Variants in ZBTB7C observed in about 807,000 individuals in gnomAD.
The protein encoded by ZBTB7C is zinc finger and BTB domain-containing protein 7C.
A neutral mutation model predicts 25.7 loss-of-function variants in ZBTB7C; 8 were observed. The observed-to-expected ratio is 0.31, with a 90% CI of 0.18 to 0.56. ZBTB7C has a LOEUF of 0.56. Ranked by LOEUF, ZBTB7C falls within the 20% of genes least tolerant of loss-of-function variation. ZBTB7C has a pLI of 0.91. For missense variants in ZBTB7C, 824 were observed against 855.2 expected, an observed-to-expected ratio of 0.96 and a Z score of 0.46; for synonymous variants, 394 against 369.0, an observed-to-expected ratio of 1.07 and a Z score of -0.78.
chr18:48,031,903 C>T (rs552046214), intron 4 of ZBTB7C, among the ~76,000 whole-genome samples: 1 of 152,086 alleles, frequency 6.6e-6, no homozygotes, highest in Admixed American at 6.5e-5. Flanking sequence ...GGTGCCTGTA[C>T]CCCTGGAGTG....
At chr18:48,331,094 A>G (rs1295589291) in intron 2 of ZBTB7C, among the ~76,000 whole-genome samples, 1 of 152,128 alleles carries the variant, frequency 6.6e-6, no homozygotes, top group East Asian at 1.9e-4. Flanking sequence ...GGGGGCCAGA[A>G]GGCTTTGCTA....
At chr18:48,389,710 C>T (rs907734515) in intron 1 of ZBTB7C, among the ~76,000 whole-genome samples, 3 of 152,058 alleles carry the variant, frequency 2.0e-5, no homozygotes, top group African/African-American at 7.3e-5. Flanking sequence ...GTGAGGCTCT[C>T]CCTGATAAAA....
intron 3 of ZBTB7C, among the ~76,000 whole-genome samples, chr18:48,074,287 T>C (rs2037672834): frequency 6.6e-6 from 1 of 152,206 alleles, no homozygotes; most frequent in Admixed American, 6.5e-5. Context: ...GTGCTGGGAT[T>C]ACAGATGTGA....
chr18:48,039,902 G>A lies in ZBTB7C; in HGVS notation c.1206C>T (p.Thr402=). 1 of 1,611,588 alleles carries A rather than the reference G, an allele frequency of 6.2e-7. No homozygotes were observed. The highest frequency in any genetic ancestry group is 8.5e-7 in the Non-Finnish European group (1 of 1,179,992). ...YMCTICEVRF[T]RQDKLKIHMR... ...CACCCGAGGGCTGCCATGCGCACCT[G>A]GTGAAGCGGACCTCGCAGATGGTGC... The change falls in exon 4 of 5, where the codon ACC becomes ACT. Residue 402 remains threonine (T), a splice_region_variant and synonymous_variant. Transcript: ENST00000590800.
At chr18:48,402,492 A>G (rs932681345) in intron 1 of ZBTB7C, among the ~76,000 whole-genome samples, 2 of 152,220 alleles carry the variant, frequency 1.3e-5, no homozygotes, top group Non-Finnish European at 2.9e-5. Context: ...TTCTAAGCAC[A>G]TTCACAATGT....
intron 1 of ZBTB7C, among the ~76,000 whole-genome samples, chr18:48,358,526 A>G (rs931301920): frequency 4.6e-5 from 7 of 152,186 alleles, no homozygotes; most frequent in Non-Finnish European, 1.0e-4. Flanking sequence ...CTGTGAGTCA[A>G]TCAAACCCTC....
chr18:48,097,901 A>C (rs1353482834), intron 3 of ZBTB7C, among the ~76,000 whole-genome samples: 1 of 151,716 alleles, frequency 6.6e-6, no homozygotes, highest in Non-Finnish European at 1.5e-5. Context: ...TTTACTTACA[A>C]AAGCATCTTC....
At chr18:48,130,681 C>T (rs2039960314) in intron 3 of ZBTB7C, among the ~76,000 whole-genome samples, 1 of 150,648 alleles carries the variant, frequency 6.6e-6, no homozygotes, top group African/African-American at 2.5e-5. Context: ...GAACCAGATC[C>T]ACACAGATCT....
intron 3 of ZBTB7C, among the ~76,000 whole-genome samples, chr18:48,168,578 A>G (rs1390523883): frequency 6.6e-6 from 1 of 152,238 alleles, no homozygotes; most frequent in Non-Finnish European, 1.5e-5. Flanking sequence ...CAATCTCACC[A>G]ATGATTTTTA....
chr18:48,279,164 C>T (rs753716598), intron 2 of ZBTB7C, among the ~76,000 whole-genome samples: 27 of 152,110 alleles, frequency 1.8e-4, no homozygotes, highest in Admixed American at 3.3e-4. Context: ...GGCACCCCCA[C>T]TCCTCAGAAC....
intron 1 of ZBTB7C, among the ~76,000 whole-genome samples, chr18:48,370,942 A>T (rs950038135): frequency 2.6e-5 from 4 of 152,192 alleles, no homozygotes; most frequent in Admixed American, 6.5e-5. Flanking sequence ...TGTAAAAGAA[A>T]TCCAGAACCC....
At chr18:48,106,958 G>A (rs542472169) in intron 3 of ZBTB7C, among the ~76,000 whole-genome samples, 1 of 152,186 alleles carries the variant, frequency 6.6e-6, no homozygotes, top group South Asian at 2.1e-4. Context: ...GCCCAGAATT[G>A]TCTGTTTGCA....
intron 3 of ZBTB7C, among the ~76,000 whole-genome samples, chr18:48,185,609 G>T (rs977058761): frequency 6.6e-6 from 1 of 152,074 alleles, no homozygotes; most frequent in African/African-American, 2.4e-5. Flanking sequence ...ACTGTTTGTG[G>T]CCCCAAGTAA....
chr18:48,043,311 G>A (rs1208521240), intron 3 of ZBTB7C, among the ~76,000 whole-genome samples: 1 of 152,198 alleles, frequency 6.6e-6, no homozygotes, highest in East Asian at 1.9e-4. Flanking sequence ...CTTTGTGCAC[G>A]ATAGTGAGTA....
Position 48,259,900 on chromosome 18 carries a change from A to G in ZBTB7C, c.-78-73905T>C, listed in dbSNP as rs578092020. Among the ~76,000 whole-genome samples the G allele has an allele frequency of 3.2e-4, 48 of 152,354 alleles. No individual in the cohort carries two copies. In the South Asian group the frequency reaches 5.0e-3, roughly 16 times the overall value. On this transcript the variant is annotated intron_variant, in intron 2 of 4. Coordinates refer to ENST00000590800, the MANE Select transcript of ZBTB7C (RefSeq NM_001318841.2). The stretch of plus-strand genomic sequence containing the variant: ...AATACAGACCAACTAGAACTCTCCT[A>G]TATCACTGATAGGAATGGAAAATGG...
intron 2 of ZBTB7C, among the ~76,000 whole-genome samples, chr18:48,217,536 C>G (rs1002245951): frequency 6.6e-5 from 10 of 152,160 alleles, no homozygotes; most frequent in African/African-American, 2.4e-4. Context: ...CCCTAGCCAG[C>G]CACCCTGAAG....
At chr18:48,159,540 C>T (rs1426638228) in intron 3 of ZBTB7C, among the ~76,000 whole-genome samples, 1 of 152,198 alleles carries the variant, frequency 6.6e-6, no homozygotes, top group Non-Finnish European at 1.5e-5. Flanking sequence ...TACACTAATT[C>T]ATTCATCACC....
intron 2 of ZBTB7C, among the ~76,000 whole-genome samples, chr18:48,320,868 G>A (rs1008758125): frequency 9.2e-5 from 14 of 152,158 alleles, no homozygotes; most frequent in Admixed American, 8.5e-4. Context: ...GACCATCTGT[G>A]CGGCCAGGGG....
intron 2 of ZBTB7C, among the ~76,000 whole-genome samples, chr18:48,259,868 C>T (rs912845389): frequency 3.3e-5 from 5 of 152,136 alleles, no homozygotes; most frequent in South Asian, 2.1e-4. Context: ...TACGAAATGT[C>T]GAGGACAATA....
Sources: gnomAD v4.1 joint callset for allele counts (sites outside exome capture counted in the v4.1 genomes callset) on GRCh38, gnomAD v4.1.1 for gene constraint, MANE v1.5 for transcripts, NCBI Gene and HGNC (gene_info 2026-07-23, HGNC 2026-07-21) for gene names.